TNFSF8: variants seen among roughly 807,000 people sequenced by gnomAD.
The protein encoded by TNFSF8 is tumor necrosis factor ligand superfamily member 8.
In TNFSF8, 4 loss-of-function variants were observed where a neutral mutation model predicts 22.0. That is an observed-to-expected ratio of 0.18 (90% CI 0.09 to 0.42). TNFSF8 has a LOEUF of 0.42. Ranked by LOEUF, TNFSF8 falls within the 10% of genes least tolerant of loss-of-function variation. The pLI, the probability that TNFSF8 is intolerant of heterozygous loss-of-function variation, is 1.00. For synonymous variants in TNFSF8, 106 were observed against 112.5 expected, an observed-to-expected ratio of 0.94 and a Z score of 0.37; for missense variants, 233 against 281.8, an observed-to-expected ratio of 0.83 and a Z score of 1.24.
chr9:114,895,861 T>C (rs1564365303), intron 4 of TNFSF8, among the ~76,000 whole-genome samples: 1 of 152,192 alleles, frequency 6.6e-6, no homozygotes, highest in Non-Finnish European at 1.5e-5. Flanking sequence ...ACAGCCCCCA[T>C]AGAAGTTTCT....
chr9:114,918,553 G>A (rs1030176580), intron 1 of TNFSF8, among the ~76,000 whole-genome samples: 3 of 151,838 alleles, frequency 2.0e-5, no homozygotes, highest in Admixed American at 6.6e-5. Flanking sequence ...GAGTTCAAGC[G>A]ATCCTCTTGC....
At chr9:114,905,781 C>T in intron 3 of TNFSF8, 47 bp downstream of exon 3, 2 of 1,458,814 alleles carry the variant, frequency 1.4e-6, no homozygotes, top group Non-Finnish European at 1.9e-6. Flanking sequence ...TGAAAAGCCA[C>T]AGAAGCGGTT....
Position 114,901,195 on chromosome 9 carries a change from C to T in TNFSF8, c.*2736G>A. 1.0e-6 allele frequency: 1 copy of T among 985,414 alleles called. No individual in the cohort carries two copies. Among genetic ancestry groups the T allele is most frequent in the Non-Finnish European group, 1.2e-6 (1 of 829,906 alleles). The allele number at this position is 985,414 out of a possible 1,614,324, so 61.0% of individuals were successfully genotyped here. A position where few individuals can be genotyped will look rare whatever the true frequency, so the allele number is the denominator to read the frequency against. On this transcript the variant is annotated 3_prime_UTR_variant, in exon 4 of 4. Transcript: ENST00000223795. ...TTACTTGCATAGATATCATTTTACT[C>T]ATGGAGTATCATTTGCTCATAACAT...
In TNFSF8 at chr9:114,902,820, G is replaced by T; in HGVS notation, c.*1111C>A. The T allele has an allele frequency of 1.1e-6, 1 of 910,440 alleles. No homozygotes were observed. The allele number at this position is 910,440 out of a possible 1,614,324, so 56.4% of individuals were successfully genotyped here. A position where few individuals can be genotyped will look rare whatever the true frequency, so the allele number is the denominator to read the frequency against. On this transcript the variant is annotated 3_prime_UTR_variant, in exon 4 of 4. Coordinates refer to ENST00000223795, the MANE Select transcript of TNFSF8 (RefSeq NM_001244.4). Reference sequence around the variant, plus strand: ...TTCATTTTCTAGACTTGGATCCTGAGTTCCAGGGAGGGGAAGGTATAGTGA... The same window carrying T: ...TTCATTTTCTAGACTTGGATCCTGATTTCCAGGGAGGGGAAGGTATAGTGA...
chr9:114,914,192 G>C (rs1042133070), intron 2 of TNFSF8, among the ~76,000 whole-genome samples: 2 of 152,170 alleles, frequency 1.3e-5, no homozygotes, highest in Non-Finnish European at 2.9e-5. Flanking sequence ...ACCCCAGGGA[G>C]GATAGCTGTC....
chr9:114,902,846 ATTCTTATAATTTTATGT>A lies in TNFSF8; in HGVS notation c.*1068_*1084del, dbSNP rs1827733478. On this transcript the variant is annotated 3_prime_UTR_variant, in exon 4 of 4. Coordinates refer to ENST00000223795, the MANE Select transcript of TNFSF8 (RefSeq NM_001244.4). ...TTCCAGGGAGGGGAAGGTATAGTGAATTCTTATAATTTTATGTTGCCTTGGCAACCATTTTGTATACA... is the reference window on the plus strand; with the variant it reads ...TTCCAGGGAGGGGAAGGTATAGTGAATGCCTTGGCAACCATTTTGTATACA... 1.3e-6 allele frequency: 1 copy of A among 765,396 alleles called. No individual in the cohort carries two copies. Among genetic ancestry groups the A allele is most frequent in the Non-Finnish European group, 1.6e-6 (1 of 629,200 alleles). The allele number at this position is 765,396 out of a possible 1,614,324, so 47.4% of individuals were successfully genotyped here.
At chr9:114,919,119 T>A (rs1827957027) in intron 1 of TNFSF8, among the ~76,000 whole-genome samples, 1 of 152,090 alleles carries the variant, frequency 6.6e-6, no homozygotes, top group Admixed American at 6.6e-5. Context: ...AATTCTGAAT[T>A]AATTGTGTGT....
At chr9:114,897,918 T>C (rs762440087), downstream of TNFSF8, among the ~76,000 whole-genome samples, 1 of 152,142 alleles carries the variant, frequency 6.6e-6, no homozygotes, top group Non-Finnish European at 1.5e-5. Context: ...ATCCCAACTC[T>C]ACCGTCCATT....
rs1007474254 is a variant in TNFSF8 at position 114,902,129 on chromosome 9, A to T, written c.*1802T>A. ...TTGTCAAGGTCCTTCCACAAATAAG[A>T]TGTTCCTCCAAAGATGATGTACAGA... On this transcript the variant is annotated 3_prime_UTR_variant, in exon 4 of 4. Coordinates refer to ENST00000223795, the MANE Select transcript of TNFSF8 (RefSeq NM_001244.4). The T allele has an allele frequency of 7.1e-6, 7 of 985,222 alleles. No homozygotes were observed. In the Admixed American group the frequency reaches 3.1e-4, roughly 43 times the overall value. The allele number at this position is 985,222 out of a possible 1,614,324, so 61.0% of individuals were successfully genotyped here.
Position 114,930,208 on chromosome 9 carries a change from C to A in TNFSF8, c.96G>T (p.Gly32=). The change falls in exon 1 of 4, where the codon GGG becomes GGT. Residue 32 remains glycine, a synonymous_variant. Transcript: ENST00000223795. ...VPAGSVASHL[G]TTSRSYFYLT... is the part of the protein sequence containing the mutation. ...AATAGAAATAGCTGCGGCTCGTGGT[C>A]CCCAGGTGGCTGGCCACGGAGCCCG... 1 of 1,605,782 alleles carries A rather than the reference C, an allele frequency of 6.2e-7. No homozygotes were observed. Among genetic ancestry groups the A allele is most frequent in the Non-Finnish European group, 8.5e-7 (1 of 1,176,002 alleles).
chr9:114,909,437 G>A (rs564267329), intron 2 of TNFSF8, among the ~76,000 whole-genome samples: 2 of 152,256 alleles, frequency 1.3e-5, no homozygotes, highest in South Asian at 4.1e-4. Context: ...TGATGACCTG[G>A]GAGTTAGAAT....
chr9:114,926,791 A>G (rs531836180), intron 1 of TNFSF8, among the ~76,000 whole-genome samples: 2 of 152,006 alleles, frequency 1.3e-5, no homozygotes, highest in African/African-American at 2.4e-5. Context: ...GAATCTGTCA[A>G]TGGTGGTTAT....
chr9:114,918,357 C>T (rs999126979), intron 1 of TNFSF8, among the ~76,000 whole-genome samples: 3 of 152,044 alleles, frequency 2.0e-5, no homozygotes, highest in South Asian at 4.1e-4. Context: ...TTACTGTCCC[C>T]GTTCCACAGG....
chr9:114,920,265 A>G (rs111986947), intron 1 of TNFSF8, among the ~76,000 whole-genome samples: 27 of 152,338 alleles, frequency 1.8e-4, no homozygotes, highest in Non-Finnish European at 2.9e-4. Flanking sequence ...TCTTACCACA[A>G]TCATCAAATT....
intron 1 of TNFSF8, among the ~76,000 whole-genome samples, chr9:114,928,062 G>A (rs1175321208): frequency 6.6e-6 from 1 of 152,000 alleles, no homozygotes; most frequent in African/African-American, 2.4e-5. Context: ...ATATACCACG[G>A]CTACTATTAA....
chr9:114,922,651 G>C lies in TNFSF8; in HGVS notation c.196-4513C>G, dbSNP rs114190776. On this transcript the variant is annotated intron_variant, in intron 1 of 3. Transcript: ENST00000223795. ...CCTGCTACATTGCCTCTCTAGATGA[G>C]GGCAGGATAAAGCTGAGCAGAAAAA... Among the ~76,000 whole-genome samples, 458 of 152,240 alleles carry C rather than the reference G, an allele frequency of 3.0e-3. 3 individuals are homozygous for C. Among genetic ancestry groups the C allele is most frequent in the African/African-American group, 0.01 (430 of 41,546 alleles).
At chr9:114,925,285 A>G (rs1473282724) in intron 1 of TNFSF8, among the ~76,000 whole-genome samples, 5 of 152,178 alleles carry the variant, frequency 3.3e-5, no homozygotes, top group Non-Finnish European at 7.3e-5. Context: ...AATAGCATGC[A>G]GTTTCTATAG....
intron 2 of TNFSF8, among the ~76,000 whole-genome samples, chr9:114,906,126 CTG>C (rs1281557311): frequency 2.0e-5 from 3 of 151,946 alleles, no homozygotes; most frequent in Non-Finnish European, 2.9e-5. Context: ...TTATGGAAGA[CTG>C]TGGAAATCAG....
At chr9:114,919,465 CT>C (rs1427153155) in intron 1 of TNFSF8, among the ~76,000 whole-genome samples, 2 of 152,234 alleles carry the variant, frequency 1.3e-5, no homozygotes, top group East Asian at 3.9e-4. Context: ...TTCTTTTCCC[CT>C]AATAAATTCT....
Sources: gnomAD v4.1 joint callset for allele counts (sites outside exome capture counted in the v4.1 genomes callset) on GRCh38, gnomAD v4.1.1 for gene constraint, MANE v1.5 for transcripts, NCBI Gene and HGNC (gene_info 2026-07-23, HGNC 2026-07-21) for gene names.